The following GARIN1A variants were observed in gnomAD, a reference collection of about 807,000 sequenced individuals.
GARIN1A encodes Golgi-associated RAB2 interactor protein 1A.
chr7:128,679,307 C>T, the GARIN1A span, among the ~76,000 whole-genome samples: 1 of 152,008 alleles, frequency 6.6e-6, no homozygotes, highest in African/African-American at 2.4e-5. Context: ...ATTCTCCTGC[C>T]TCAGCCTTCC....
the GARIN1A span, among the ~76,000 whole-genome samples, chr7:128,703,277 G>C: frequency 3.3e-4 from 51 of 152,298 alleles, no homozygotes; most frequent in Non-Finnish European, 5.4e-4. Flanking sequence ...TTTATTAAGA[G>C]AGACCACATT....
chr7:128,672,571 G>GC, the GARIN1A span: 1 of 1,514,800 alleles, frequency 6.6e-7, no homozygotes, highest in Non-Finnish European at 8.9e-7. Context: ...GGAGCTCAGG[G>GC]CCAGCTGTCT....
the GARIN1A span, among the ~76,000 whole-genome samples, chr7:128,700,279 A>ATTTTTTTTTTTTTTTTT: frequency 8.4e-6 from 1 of 119,474 alleles, no homozygotes; most frequent in Non-Finnish European, 1.8e-5. Flanking sequence ...TTTGTTTTGT[A>ATTTTTTTTTTTTTTTTT]TTTTGTTTTT....
chr7:128,673,911 G>T, the GARIN1A span, among the ~76,000 whole-genome samples: 5 of 152,048 alleles, frequency 3.3e-5, no homozygotes, highest in African/African-American at 1.2e-4. Flanking sequence ...TTCTCTTAAT[G>T]TGTGCTTTTT....
chr7:128,672,475 T>G, the GARIN1A span: 3 of 1,609,180 alleles, frequency 1.9e-6, no homozygotes, highest in Non-Finnish European at 2.5e-6. Context: ...AAAATGGCCT[T>G]CTTTGTCAAC....
chr7:128,672,414 G>T, the GARIN1A span: 114 of 1,608,376 alleles, frequency 7.1e-5, no homozygotes, highest in African/African-American at 1.2e-3. Context: ...AAAATCAGGG[G>T]CCTCCCACCT....
the GARIN1A span, among the ~76,000 whole-genome samples, chr7:128,699,858 C>A: frequency 6.6e-6 from 1 of 152,196 alleles, no homozygotes; most frequent in Non-Finnish European, 1.5e-5. Flanking sequence ...GCAGTTCTGT[C>A]AATTTCGCTT....
chr7:128,707,220 A>ATGTATGTG, the GARIN1A span, among the ~76,000 whole-genome samples: 1 of 147,186 alleles, frequency 6.8e-6, no homozygotes, highest in Admixed American at 6.7e-5. Flanking sequence ...GTGTGTATGT[A>ATGTATGTG]TGTGTGTGTG....
chr7:128,674,350 C>T, the GARIN1A span, among the ~76,000 whole-genome samples: 1 of 152,146 alleles, frequency 6.6e-6, no homozygotes, highest in African/African-American at 2.4e-5. Flanking sequence ...GTCTTGAACT[C>T]CTGGCTTCAA....
At chr7:128,705,765 G>A in the GARIN1A span, among the ~76,000 whole-genome samples, 3 of 147,978 alleles carry the variant, frequency 2.0e-5, no homozygotes, top group African/African-American at 5.0e-5. Flanking sequence ...CCCGGGCTCA[G>A]GTGATCCTCC....
the GARIN1A span, among the ~76,000 whole-genome samples, chr7:128,704,701 G>C: frequency 6.6e-6 from 1 of 152,178 alleles, no homozygotes; most frequent in Admixed American, 6.5e-5. Context: ...CCGCTGATCT[G>C]ACAGGAGGCC....
chr7:128,690,070 TC>T, the GARIN1A span, among the ~76,000 whole-genome samples: 2 of 152,226 alleles, frequency 1.3e-5, no homozygotes, highest in South Asian at 2.1e-4. Context: ...TAAGAAAAAT[TC>T]TTCTGCCTTG....
At chr7:128,687,949 A>G in the GARIN1A span, 1 of 152,036 alleles carries the variant, frequency 6.6e-6, no homozygotes, top group Non-Finnish European at 1.5e-5. Flanking sequence ...ATTTTTTTAG[A>G]GTATTGTTAC....
the GARIN1A span, among the ~76,000 whole-genome samples, chr7:128,677,018 A>G: frequency 4.3e-3 from 652 of 151,914 alleles, 4 homozygotes; most frequent in African/African-American, 0.015. Flanking sequence ...ACCAAAAAAT[A>G]CCAAAAAAAT....
the GARIN1A span, among the ~76,000 whole-genome samples, chr7:128,677,016 A>T: frequency 1.3e-5 from 2 of 151,786 alleles, no homozygotes; most frequent in African/African-American, 4.8e-5. Context: ...CTACCAAAAA[A>T]TACCAAAAAA....
chr7:128,686,742 G>T, the GARIN1A span: 1 of 152,156 alleles, frequency 6.6e-6, no homozygotes, highest in South Asian at 2.1e-4. Flanking sequence ...CAGGTGTGGT[G>T]GTGCGCGTCT....
the GARIN1A span, chr7:128,691,671 A>G: frequency 6.6e-6 from 1 of 152,246 alleles, no homozygotes; most frequent in Non-Finnish European, 1.5e-5. Context: ...ATAATGCATT[A>G]GCATGCGAAA....
the GARIN1A span, among the ~76,000 whole-genome samples, chr7:128,681,810 T>C: frequency 6.6e-6 from 1 of 151,874 alleles, no homozygotes; most frequent in Admixed American, 6.6e-5. Context: ...GCCAGGAGCT[T>C]TCTTGGGTTC....
At chr7:128,682,840 G>C in the GARIN1A span, 1 of 689,980 alleles carries the variant, frequency 1.4e-6, no homozygotes, top group African/African-American at 1.8e-5. Context: ...GCCTCCCAAA[G>C]TGCTAGGATT....
Sources: allele counts gnomAD v4.1 joint callset (sites outside exome capture counted in the v4.1 genomes callset), GRCh38; gene constraint gnomAD v4.1.1; transcripts MANE v1.5; gene names NCBI Gene and HGNC (gene_info 2026-07-23, HGNC 2026-07-21).